The following NSMCE4A variants were observed in gnomAD, a reference collection of about 807,000 sequenced individuals.
The protein encoded by NSMCE4A is NSE4A component of SMC5/6 complex.
NSMCE4A carries 40 observed loss-of-function variants against 47.9 expected under a neutral mutation model. The observed-to-expected ratio is 0.83, with a 90% CI of 0.65 to 1.09. NSMCE4A has a LOEUF of 1.09. Ranked by LOEUF, NSMCE4A falls within the 50% of genes least tolerant of loss-of-function variation. NSMCE4A has a pLI of 0.00. For missense variants in NSMCE4A, 500 were observed against 507.0 expected, an observed-to-expected ratio of 0.99 and a Z score of 0.13; for synonymous variants, 166 against 178.5, an observed-to-expected ratio of 0.93 and a Z score of 0.56.
Position 121,965,380 on chromosome 10 carries a change from C to T in NSMCE4A, c.659G>A (p.Gly220Asp), listed in dbSNP as rs2134755142. The part of the protein sequence containing the change: ...NKTHTFHFLL[G>D]SIYGECPVPK... ...CACAGGGCACTCTCCGTATATTGAA[C>T]CCAACCTAATGAAAAGTATGCTTTC... The change falls in exon 5 of 11, where the codon GGT (glycine) becomes GAT (aspartate). Residue 220 changes from glycine to aspartate, a missense_variant. Physicochemically the swap from Gly to Asp is moderately conservative, Grantham distance 94. Transcript: ENST00000369023. The T allele has an allele frequency of 1.2e-6, 2 of 1,607,048 alleles. No homozygotes were observed. Among genetic ancestry groups the T allele is most frequent in the Non-Finnish European group, 1.7e-6 (2 of 1,177,428 alleles).
intron 10 of NSMCE4A, among the ~76,000 whole-genome samples, chr10:121,958,936 T>C (rs907644743): frequency 6.6e-6 from 1 of 151,978 alleles, no homozygotes; most frequent in African/African-American, 2.4e-5. Context: ...TGCCTCAGCC[T>C]CCTGAGTAGC....
intron 4 of NSMCE4A, chr10:121,967,051 T>C (rs1952619870): frequency 1.3e-5 from 2 of 152,182 alleles, no homozygotes; most frequent in African/African-American, 2.4e-5. Flanking sequence ...CATCCTCCTA[T>C]ATGATAAGGA....
chr10:121,971,120 T>TA (rs769876511), intron 2 of NSMCE4A, 51 bp from the exon 3 acceptor site: 16 of 1,516,348 alleles, frequency 1.1e-5, no homozygotes, highest in Non-Finnish European at 2.7e-6. Flanking sequence ...ACATTATCCA[T>TA]AGACTTTTTC....
At chr10:121,961,348 T>A in intron 7 of NSMCE4A, 75 bp downstream of exon 7, 1 of 996,664 alleles carries the variant, frequency 1.0e-6, no homozygotes, top group Non-Finnish European at 1.5e-6. Context: ...CTTTGCCAGC[T>A]CCCTTCTACA....
intron 6 of NSMCE4A, chr10:121,962,032 T>A (rs1398735551): frequency 1.7e-5 from 6 of 347,220 alleles, no homozygotes; most frequent in South Asian, 1.2e-4. Flanking sequence ...ATTGCTTGAA[T>A]CCAGGAGGTG....
chr10:121,961,615 TC>T (rs1952500067), intron 6 of NSMCE4A, 98 bp from the exon 7 acceptor site: 1 of 706,662 alleles, frequency 1.4e-6, no homozygotes, highest in Non-Finnish European at 2.2e-6. Flanking sequence ...GTGTACTCAT[TC>T]CTGCTGCAGG....
Position 121,961,415 on chromosome 10 carries a change from A to G in NSMCE4A, c.939+8T>C. On this transcript the variant is annotated splice_region_variant and intron_variant, in intron 7 of 10. Coordinates refer to ENST00000369023, the MANE Select transcript of NSMCE4A (RefSeq NM_017615.3). The stretch of plus-strand genomic sequence containing the variant: ...AAAAGCAATTAGAAAAATAATCTTT[A>G]ATCTTACCCGTATAATGAAGGAAAC... 1 of 1,535,438 alleles carries G rather than the reference A, an allele frequency of 6.5e-7. No homozygotes were observed. Among genetic ancestry groups the G allele is most frequent in the East Asian group, 2.3e-5 (1 of 42,672 alleles).
At chr10:121,965,432 T>TA in intron 4 of NSMCE4A, 47 bp from the exon 5 acceptor site, 1 of 1,443,868 alleles carries the variant, frequency 6.9e-7, no homozygotes, top group South Asian at 1.2e-5. Context: ...TGTTGTTTGT[T>TA]AAACAAACTA....
At chr10:121,963,606 T>C (rs541551042) in intron 5 of NSMCE4A, among the ~76,000 whole-genome samples, 2 of 151,844 alleles carry the variant, frequency 1.3e-5, no homozygotes, top group South Asian at 4.2e-4. Flanking sequence ...AATTTTTTTT[T>C]TTTTAATTCA....
At chr10:121,966,443 T>C (rs531112469) in intron 4 of NSMCE4A, 140 of 151,872 alleles carry the variant, frequency 9.2e-4, no homozygotes, top group African/African-American at 3.2e-3. Context: ...ACCTAGGATT[T>C]ATGAGTTTAG....
chr10:121,961,700 G>A (rs1156659036), intron 6 of NSMCE4A, 183 bp from the exon 7 acceptor site: 1 of 487,470 alleles, frequency 2.1e-6, no homozygotes. Flanking sequence ...CACTGACCTG[G>A]AAACCACCTC....
chr10:121,968,812 T>C (rs558945966), intron 3 of NSMCE4A, among the ~76,000 whole-genome samples: 1 of 152,260 alleles, frequency 6.6e-6, no homozygotes, highest in African/African-American at 2.4e-5. Flanking sequence ...GTCAGAGCGC[T>C]ATGGCCAGCT....
chr10:121,975,154 G>C lies in NSMCE4A; in HGVS notation c.12C>G (p.Asp4Glu). MSG[D>E]SSGRGPEGRG... ...GGCCCTCTGGCCCGCGGCCGCTGCT[G>C]TCCCCAGACATAGCGCCAATTCACC... is the stretch of plus-strand genomic sequence containing the variant. Residue 4 changes from aspartate (D) to glutamate (E), a missense_variant, in exon 1 of 11, where the codon GAC becomes GAG. By Grantham distance (45) the Asp-to-Glu change is conservative. Coordinates refer to ENST00000369023, the MANE Select transcript of NSMCE4A (RefSeq NM_017615.3). 7.2e-7 allele frequency: 1 copy of C among 1,394,998 alleles called. No homozygotes were observed. The highest frequency in any genetic ancestry group is 9.2e-7 in the Non-Finnish European group (1 of 1,085,378). 86.4% of individuals were successfully genotyped at this position (1,394,998 alleles called of 1,614,324 possible). A position where few individuals can be genotyped will look rare whatever the true frequency, so the allele number is the denominator to read the frequency against.
chr10:121,964,977 GA>G (rs1952578972), intron 5 of NSMCE4A, among the ~76,000 whole-genome samples: 1 of 152,098 alleles, frequency 6.6e-6, no homozygotes, highest in Admixed American at 6.6e-5. Flanking sequence ...AGAGGCTGGG[GA>G]TGCCGCTAAG....
At position 121,975,134 on chromosome 10, in the gene NSMCE4A, T is replaced by C. The variant is rs1428963926; in HGVS notation, c.32A>G (p.Glu11Gly). 7.1e-7 allele frequency: 1 copy of C among 1,411,408 alleles called. No individual in the cohort carries two copies. 87.4% of individuals were successfully genotyped at this position (1,411,408 alleles called of 1,614,324 possible). Reference sequence around the variant, plus strand: ...CGGGTCGCGGCCCCGGCCCCGGCCCTCTGGCCCGCGGCCGCTGCTGTCCCC... The same window carrying C: ...CGGGTCGCGGCCCCGGCCCCGGCCCCCTGGCCCGCGGCCGCTGCTGTCCCC... MSGDSSGRGP[E>G]GRGRGRDPHR... The change falls in exon 1 of 11, where the codon GAG (glutamate) becomes GGG (glycine). Residue 11 changes from glutamate to glycine, a missense_variant. Physicochemically the swap from Glu to Gly is moderately conservative, Grantham distance 98. Coordinates refer to ENST00000369023, the MANE Select transcript of NSMCE4A (RefSeq NM_017615.3).
At chr10:121,966,214 G>C (rs1952604031) in intron 4 of NSMCE4A, 1 of 152,232 alleles carries the variant, frequency 6.6e-6, no homozygotes. Flanking sequence ...ACGTGGTTGA[G>C]AAATCTGATC....
intron 5 of NSMCE4A, among the ~76,000 whole-genome samples, chr10:121,964,143 CTT>C (rs1244382975): frequency 7.8e-5 from 10 of 127,486 alleles, no homozygotes; most frequent in Admixed American, 7.9e-5. Flanking sequence ...GTTTCAGTAA[CTT>C]TTTTTTTTTT....
chr10:121,974,697 T>C, intron 1 of NSMCE4A, 177 bp downstream of exon 1: 1 of 1,116,910 alleles, frequency 9.0e-7, no homozygotes, highest in Non-Finnish European at 1.1e-6. Flanking sequence ...AGCCACAAAG[T>C]GGGAGCACTT....
rs763803901 is a variant in NSMCE4A at position 121,959,402 on chromosome 10, C to A, written c.1092G>T (p.Val364=). Residue 364 remains valine (V), a synonymous_variant, in exon 10 of 11, where the codon GTG becomes GTT. Transcript: ENST00000369023. ...CAGGCTCTGAAATCTCAAAGGTCTT[C>A]ACAATCTCCTGGCAGACAATAATGA... The part of the protein sequence containing the change: ...ALSYRDWEEI[V]KTFEISEPVI... The A allele has an allele frequency of 6.2e-7, 1 of 1,614,226 alleles. No individual in the cohort carries two copies. Among genetic ancestry groups the A allele is most frequent in the Non-Finnish European group, 8.5e-7 (1 of 1,180,042 alleles).
Sources: allele counts gnomAD v4.1 joint callset (sites outside exome capture counted in the v4.1 genomes callset), GRCh38; gene constraint gnomAD v4.1.1; transcripts MANE v1.5; gene names NCBI Gene and HGNC (gene_info 2026-07-23, HGNC 2026-07-21).